Variants in ARHGAP24 observed in about 807,000 individuals in gnomAD.
The protein encoded by ARHGAP24 is Rho GTPase activating protein 24.
A neutral mutation model predicts 76.4 loss-of-function variants in ARHGAP24; 50 were observed. That is an observed-to-expected ratio of 0.65 (90% CI 0.52 to 0.83). ARHGAP24 has a LOEUF of 0.83. ARHGAP24 is among the 40% of genes least tolerant of loss of function. The pLI, the probability that ARHGAP24 is intolerant of heterozygous loss-of-function variation, is 0.00. For synonymous variants in ARHGAP24, 345 were observed against 323.3 expected (o/e 1.07, Z -0.72); for missense variants, 930 against 914.2 (o/e 1.02, Z -0.22).
chr4:85,635,793 A>G (rs1262267405), intron 2 of ARHGAP24, among the ~76,000 whole-genome samples: 3 of 151,978 alleles, frequency 2.0e-5, no homozygotes, highest in Admixed American at 6.6e-5. Context: ...TACCAATAAT[A>G]TAGCCGTTTA....
At position 85,611,206 on chromosome 4, in the gene ARHGAP24, G is replaced by A. The variant is rs1412963016; in HGVS notation, c.180+40485G>A. Among the ~76,000 whole-genome samples the A allele has an allele frequency of 2.0e-5, 3 of 152,068 alleles. No individual in the cohort carries two copies. In the East Asian group the frequency reaches 5.8e-4, roughly 29 times the overall value. On this transcript the variant is annotated intron_variant, in intron 2 of 9. Coordinates refer to ENST00000395184, the MANE Select transcript of ARHGAP24 (RefSeq NM_001025616.3). ...AAACTGGGAAGCATCTTGGAAGGGG[G>A]CCTAATGTTATAGTTTAGTGGATAA...
intron 3 of ARHGAP24, among the ~76,000 whole-genome samples, chr4:85,831,900 TAAA>T (rs57600561): frequency 1.2e-4 from 16 of 137,406 alleles, no homozygotes; most frequent in East Asian, 4.1e-4. Context: ...AGACTCTATC[TAAA>T]AAAAAAAAAA....
At chr4:85,526,498 G>A (rs1260152753) in intron 1 of ARHGAP24, among the ~76,000 whole-genome samples, 1 of 151,924 alleles carries the variant, frequency 6.6e-6, no homozygotes, top group Admixed American at 6.6e-5. Context: ...AAAACTTAGT[G>A]ATTTGGGGTG....
At chr4:85,554,129 C>A (rs1054100733) in intron 1 of ARHGAP24, among the ~76,000 whole-genome samples, 10 of 152,098 alleles carry the variant, frequency 6.6e-5, no homozygotes, top group African/African-American at 2.4e-4. Context: ...TGAATATAAG[C>A]CTTCAATCTC....
intron 5 of ARHGAP24, among the ~76,000 whole-genome samples, chr4:85,964,771 T>A (rs1177644436): frequency 6.6e-6 from 1 of 152,148 alleles, no homozygotes. Flanking sequence ...CTCAAAGTAA[T>A]CTCTATCTTA....
intron 2 of ARHGAP24, among the ~76,000 whole-genome samples, chr4:85,640,190 AC>A (rs1376836045): frequency 2.0e-5 from 3 of 152,184 alleles, no homozygotes; most frequent in Non-Finnish European, 4.4e-5. Context: ...AGGGCGAGGT[AC>A]CAGACAGCTA....
intron 3 of ARHGAP24, among the ~76,000 whole-genome samples, chr4:85,867,877 CAT>C (rs1042556678): frequency 7.8e-6 from 1 of 127,464 alleles, no homozygotes; most frequent in African/African-American, 2.8e-5. Flanking sequence ...TATATATAAA[CAT>C]ATATAATGTG....
intron 3 of ARHGAP24, among the ~76,000 whole-genome samples, chr4:85,790,319 G>A (rs115763272): frequency 1.3e-3 from 197 of 152,204 alleles, no homozygotes; most frequent in African/African-American, 4.5e-3. Context: ...TTGAAGCTCT[G>A]AAAATGGTTC....
intron 3 of ARHGAP24, among the ~76,000 whole-genome samples, chr4:85,780,106 A>T (rs1727476426): frequency 6.6e-6 from 1 of 152,182 alleles, no homozygotes; most frequent in Admixed American, 6.5e-5. Context: ...GCAGTAATAC[A>T]TTGCATGGTA....
At chr4:85,916,355 T>C (rs1442166382) in intron 3 of ARHGAP24, among the ~76,000 whole-genome samples, 2 of 152,198 alleles carry the variant, frequency 1.3e-5, no homozygotes, top group African/African-American at 4.8e-5. Flanking sequence ...TCTCCCATTC[T>C]GTAGGTTGCA....
At chr4:85,913,357 T>A (rs1429623253) in intron 3 of ARHGAP24, among the ~76,000 whole-genome samples, 1 of 151,508 alleles carries the variant, frequency 6.6e-6, no homozygotes, top group Non-Finnish European at 1.5e-5. Context: ...CCTAATCTAA[T>A]GACCTCCATT....
chr4:85,759,765 G>A (rs115964794), intron 3 of ARHGAP24, among the ~76,000 whole-genome samples: 169 of 152,242 alleles, frequency 1.1e-3, no homozygotes, highest in African/African-American at 3.9e-3. Flanking sequence ...GACATTAAAG[G>A]GGGAACAAGT....
chr4:85,696,688 C>A (rs151007144), intron 2 of ARHGAP24, among the ~76,000 whole-genome samples: 1 of 152,194 alleles, frequency 6.6e-6, no homozygotes, highest in Admixed American at 6.5e-5. Flanking sequence ...ACAGACATAA[C>A]ATTCTTTCAA....
chr4:85,624,109 A>G (rs1473441197), intron 2 of ARHGAP24, among the ~76,000 whole-genome samples: 1 of 152,196 alleles, frequency 6.6e-6, no homozygotes, highest in African/African-American at 2.4e-5. Flanking sequence ...CCTGGTAAGA[A>G]CTTCCAACAC....
intron 3 of ARHGAP24, among the ~76,000 whole-genome samples, chr4:85,873,536 C>T (rs1358397389): frequency 1.3e-5 from 2 of 152,100 alleles, no homozygotes; most frequent in Non-Finnish European, 2.9e-5. Flanking sequence ...GGAGCTCATA[C>T]GGTAGTAGAG....
At position 85,522,719 on chromosome 4, in the gene ARHGAP24, G is replaced by A. The variant is rs182744193; in HGVS notation, c.-21+47160G>A. On this transcript the variant is annotated intron_variant, in intron 1 of 9. Coordinates refer to ENST00000395184, the MANE Select transcript of ARHGAP24 (RefSeq NM_001025616.3). The stretch of plus-strand genomic sequence containing the variant: ...CATGTTTTATATTTCATAACTGACA[G>A]AGCCAAGATTTGAACTCAGATATCT... Among the ~76,000 whole-genome samples, 346 of 152,280 alleles carry A rather than the reference G, an allele frequency of 2.3e-3. 1 individual carries two copies. The highest frequency in any genetic ancestry group is 7.8e-3 in the African/African-American group (324 of 41,570).
intron 1 of ARHGAP24, among the ~76,000 whole-genome samples, chr4:85,549,310 A>G (rs1726037238): frequency 6.6e-6 from 1 of 150,928 alleles, no homozygotes; most frequent in Non-Finnish European, 1.5e-5. Flanking sequence ...ATCCTCATCA[A>G]CATTTGGTAT....
intron 2 of ARHGAP24, among the ~76,000 whole-genome samples, chr4:85,582,799 A>T (rs1441399016): frequency 2.0e-5 from 3 of 152,188 alleles, no homozygotes; most frequent in African/African-American, 7.2e-5. Context: ...AAGTTTCAAC[A>T]TATTTTTCAC....
intron 3 of ARHGAP24, among the ~76,000 whole-genome samples, chr4:85,889,444 A>G (rs1477511098): frequency 6.6e-6 from 1 of 152,234 alleles, no homozygotes; most frequent in African/African-American, 2.4e-5. Context: ...GTCTCAATAA[A>G]CATGAGCTGT....
Sources: gnomAD v4.1 joint callset for allele counts (sites outside exome capture counted in the v4.1 genomes callset) on GRCh38, gnomAD v4.1.1 for gene constraint, MANE v1.5 for transcripts, NCBI Gene and HGNC (gene_info 2026-07-23, HGNC 2026-07-21) for gene names.